TMPRSS11D: variants seen among roughly 807,000 people sequenced by gnomAD.
The protein encoded by TMPRSS11D is transmembrane protease serine 11D.
TMPRSS11D carries 32 observed loss-of-function variants against 44.4 expected under a neutral mutation model. The ratio of observed to expected loss-of-function variants is 0.72; its 90% CI spans 0.54 to 0.97. The LOEUF (loss-of-function observed/expected upper bound fraction) is 0.97, where lower values mean the gene tolerates loss of function less well. TMPRSS11D is among the 50% of genes least tolerant of loss of function. The probability of loss-of-function intolerance (pLI) is 0.00; values close to 1 mark genes in which losing one functional copy is unlikely to be tolerated. For synonymous variants in TMPRSS11D, 179 were observed against 177.9 expected, an observed-to-expected ratio of 1.01 and a Z score of -0.05; for missense variants, 446 against 502.6, an observed-to-expected ratio of 0.89 and a Z score of 1.08.
intron 9 of TMPRSS11D, among the ~76,000 whole-genome samples, chr4:67,823,030 T>C (rs1449361549): frequency 1.3e-5 from 2 of 152,198 alleles, no homozygotes; most frequent in East Asian, 1.9e-4. Context: ...CACTTGCATT[T>C]GTGATATTTA....
chr4:67,879,686 T>G (rs561792573), intron 1 of TMPRSS11D, among the ~76,000 whole-genome samples: 1 of 152,180 alleles, frequency 6.6e-6, no homozygotes, highest in South Asian at 2.1e-4. Flanking sequence ...CACTGGATTT[T>G]GCAATTTGGA....
intron 1 of TMPRSS11D, among the ~76,000 whole-genome samples, chr4:67,863,637 C>T (rs528035961): frequency 6.6e-6 from 1 of 152,176 alleles, no homozygotes; most frequent in African/African-American, 2.4e-5. Context: ...GGGAACTAGA[C>T]TAGAGCTAGG....
rs768200537 is a variant in TMPRSS11D at position 67,835,150 on chromosome 4, A to C, written c.476-29T>G. ...GTATTAAAAAATGAGAATAAGATAA[A>C]TACAATAAAGGCTGATATCATTTCA... On this transcript the variant is annotated intron_variant, in intron 5 of 9. Coordinates refer to ENST00000283916, the MANE Select transcript of TMPRSS11D (RefSeq NM_004262.3). 4.4e-6 allele frequency: 7 copies of C among 1,586,402 alleles called. No individual in the cohort carries two copies. In the East Asian group the frequency reaches 1.6e-4, roughly 35 times the overall value.
intron 1 of TMPRSS11D, among the ~76,000 whole-genome samples, chr4:67,875,124 G>A (rs977833022): frequency 2.6e-5 from 4 of 152,154 alleles, no homozygotes; most frequent in Non-Finnish European, 5.9e-5. Flanking sequence ...TTCCCAGGAG[G>A]ATTTTGTATT....
chr4:67,835,914 C>A (rs1469589867), intron 5 of TMPRSS11D, among the ~76,000 whole-genome samples: 1 of 152,068 alleles, frequency 6.6e-6, no homozygotes, highest in Non-Finnish European at 1.5e-5. Context: ...GAAAATATGT[C>A]AGTATCAGAG....
intron 1 of TMPRSS11D, among the ~76,000 whole-genome samples, chr4:67,875,184 G>GCCTA (rs1240888012): frequency 6.6e-6 from 1 of 152,092 alleles, no homozygotes; most frequent in African/African-American, 2.4e-5. Context: ...TACTTTTGAT[G>GCCTA]CCTATACAAT....
At chr4:67,872,268 G>T (rs1719077728) in intron 1 of TMPRSS11D, among the ~76,000 whole-genome samples, 1 of 151,968 alleles carries the variant, frequency 6.6e-6, no homozygotes. Flanking sequence ...AAATAGGTAG[G>T]TTTCCTTCCT....
chr4:67,845,980 A>G (rs1560541806), intron 3 of TMPRSS11D, among the ~76,000 whole-genome samples: 1 of 152,134 alleles, frequency 6.6e-6, no homozygotes, highest in Non-Finnish European at 1.5e-5. Context: ...AATATATCAG[A>G]TTAATCACCT....
intron 1 of TMPRSS11D, among the ~76,000 whole-genome samples, chr4:67,864,860 C>A (rs1404441375): frequency 3.3e-5 from 5 of 151,786 alleles, no homozygotes; most frequent in South Asian, 4.2e-4. Flanking sequence ...CACTAGAGCA[C>A]CCATATTCAT....
chr4:67,859,611 C>G lies in TMPRSS11D; in HGVS notation c.76G>C (p.Gly26Arg). 6.2e-7 allele frequency: 1 copy of G among 1,613,244 alleles called. No individual in the cohort carries two copies. Residue 26 changes from glycine to arginine, a missense_variant, in exon 2 of 10, where the codon GGG becomes CGG. Coordinates refer to ENST00000283916, the MANE Select transcript of TMPRSS11D (RefSeq NM_004262.3). ...ATGGTGACTGCCAGGATCACTACCC[C>G]TGCGACGACAATGAAACATACTACA... is the stretch of plus-strand genomic sequence containing the variant. The part of the protein sequence containing the change: ...PYVVCFIVVA[G>R]VVILAVTIAL...
intron 1 of TMPRSS11D, among the ~76,000 whole-genome samples, chr4:67,872,693 C>T (rs1042909330): frequency 6.6e-6 from 1 of 151,968 alleles, no homozygotes; most frequent in African/African-American, 2.4e-5. Context: ...GTTTCCTGTG[C>T]GTAATTGACA....
intron 1 of TMPRSS11D, among the ~76,000 whole-genome samples, chr4:67,881,695 C>A (rs1719324071): frequency 6.6e-6 from 1 of 152,164 alleles, no homozygotes; most frequent in Non-Finnish European, 1.5e-5. Flanking sequence ...GTCCCCCCGC[C>A]AACTTTTGTC....
intron 1 of TMPRSS11D, among the ~76,000 whole-genome samples, chr4:67,875,560 G>A (rs900376459): frequency 9.2e-5 from 14 of 152,170 alleles, no homozygotes; most frequent in Admixed American, 6.5e-4. Context: ...CTCCCCATCC[G>A]CAACCCGTCC....
At chr4:67,864,957 A>G (rs1718884032) in intron 1 of TMPRSS11D, among the ~76,000 whole-genome samples, 1 of 151,918 alleles carries the variant, frequency 6.6e-6, no homozygotes, top group African/African-American at 2.4e-5. Context: ...TACTAGACAG[A>G]TCATCGAGAC....
In TMPRSS11D at chr4:67,822,163, T is replaced by C. The variant is rs1717658214; in HGVS notation, c.*174A>G. On this transcript the variant is annotated 3_prime_UTR_variant, in exon 10 of 10. Coordinates refer to ENST00000283916, the MANE Select transcript of TMPRSS11D (RefSeq NM_004262.3). ...CATTCATATAGTTCTCTGGAGAAAA[T>C]AGAAAACCTTTAATAATAAAGAAAG... 6.9e-6 allele frequency: 5 copies of C among 725,362 alleles called. No individual in the cohort carries two copies. Among genetic ancestry groups the C allele is most frequent in the South Asian group, 2.2e-5 (1 of 45,076 alleles). The allele number at this position is 725,362 out of a possible 1,614,324, so 44.9% of individuals were successfully genotyped here.
chr4:67,878,565 C>A (rs1261180470), intron 1 of TMPRSS11D, among the ~76,000 whole-genome samples: 2 of 152,164 alleles, frequency 1.3e-5, no homozygotes, highest in Non-Finnish European at 2.9e-5. Flanking sequence ...TGCTGTATAT[C>A]TAGCACCTAA....
intron 1 of TMPRSS11D, among the ~76,000 whole-genome samples, chr4:67,865,295 G>C (rs1718895073): frequency 6.7e-6 from 1 of 150,366 alleles, no homozygotes; most frequent in South Asian, 2.1e-4. Flanking sequence ...AATAAAGAGG[G>C]GATTTAAAAA....
chr4:67,862,638 C>T (rs558947448), intron 1 of TMPRSS11D, among the ~76,000 whole-genome samples: 8 of 152,096 alleles, frequency 5.3e-5, no homozygotes, highest in South Asian at 2.1e-4. Context: ...ACCACAATAG[C>T]GAAGACTTGG....
chr4:67,856,026 G>A (rs969047125), intron 2 of TMPRSS11D, among the ~76,000 whole-genome samples: 1 of 152,140 alleles, frequency 6.6e-6, no homozygotes, highest in Non-Finnish European at 1.5e-5. Flanking sequence ...CTTGCTCATG[G>A]ATTGAAAGAA....
Sources: gnomAD v4.1 joint callset for allele counts (sites outside exome capture counted in the v4.1 genomes callset) on GRCh38, gnomAD v4.1.1 for gene constraint, MANE v1.5 for transcripts, NCBI Gene and HGNC (gene_info 2026-07-23, HGNC 2026-07-21) for gene names.